The following SRPK2 variants were observed in gnomAD, a reference collection of about 807,000 sequenced individuals.
The protein encoded by SRPK2 is SFRS protein kinase 2.
Under a neutral mutation model 90.8 loss-of-function variants are expected in SRPK2, and 21 were observed. The observed-to-expected ratio is 0.23, with a 90% CI of 0.16 to 0.33. The LOEUF (loss-of-function observed/expected upper bound fraction) is 0.33. Ranked by LOEUF, SRPK2 falls within the 10% of genes least tolerant of loss-of-function variation. SRPK2 has a pLI of 1.00. For synonymous variants in SRPK2, 288 were observed against 311.1 expected (o/e 0.93, Z 0.78); for missense variants, 620 against 869.0 (o/e 0.71, Z 3.60).
At chr7:105,187,944 A>C (rs920458765) in intron 3 of SRPK2, among the ~76,000 whole-genome samples, 6 of 152,232 alleles carry the variant, frequency 3.9e-5, no homozygotes, top group Admixed American at 3.3e-4. Flanking sequence ...GCTGGTGGGA[A>C]TATACAGTGA....
Position 105,335,682 on chromosome 7 carries a change from A to G in SRPK2, c.71+52966T>C, listed in dbSNP as rs146179600. Among the ~76,000 whole-genome samples the G allele has an allele frequency of 5.2e-3, 771 of 148,418 alleles. 11 individuals carry two copies. The East Asian group carries it at 0.056, about 11-fold the overall frequency. On this transcript the variant is annotated intron_variant, in intron 2 of 15. Coordinates refer to ENST00000393651, the MANE Select transcript of SRPK2 (RefSeq NM_182692.3). ...AAAAAAAAAAAAAGCAGCCGGGCGC[A>G]GTGGCTCACATCTGTAATCCCAGCA...
intron 2 of SRPK2, among the ~76,000 whole-genome samples, chr7:105,271,010 A>T (rs1805761550): frequency 6.6e-6 from 1 of 152,080 alleles, no homozygotes; most frequent in Non-Finnish European, 1.5e-5. Context: ...CAACCTCAAC[A>T]TCCCCATTTT....
chr7:105,280,911 C>T (rs1807210557), intron 2 of SRPK2, among the ~76,000 whole-genome samples: 1 of 116,896 alleles, frequency 8.6e-6, no homozygotes, highest in Admixed American at 1.2e-4. Context: ...AGCGCCACTG[C>T]ACTCCAGCCT....
In SRPK2 at chr7:105,318,503, G is replaced by A. The variant is rs76000520; in HGVS notation, c.71+70145C>T. On this transcript the variant is annotated intron_variant, in intron 2 of 15. Transcript: ENST00000393651. ...TATAAACTGCATTAAAAGGCTCTTT[G>A]GGCTCCTAAATAATTTTTTAGAGTC... 2.4e-3 allele frequency among the ~76,000 whole-genome samples: 369 copies of A among 152,258 alleles called. 10 individuals carry two copies. The East Asian group carries it at 0.047, about 19-fold the overall frequency.
At chr7:105,367,715 CTT>C (rs1188924457) in intron 2 of SRPK2, among the ~76,000 whole-genome samples, 1 of 152,176 alleles carries the variant, frequency 6.6e-6, no homozygotes, top group Non-Finnish European at 1.5e-5. Flanking sequence ...TTGCACTTCT[CTT>C]GACTGCAAAT....
At position 105,396,882 on chromosome 7, in the gene SRPK2, AAAGG is replaced by A. The variant is rs141749151; in HGVS notation, n.153+2270_153+2273del. 3.4e-3 allele frequency among the ~76,000 whole-genome samples: 515 copies of A among 151,242 alleles called. 15 individuals are homozygous for A. The East Asian group carries it at 0.066, about 20-fold the overall frequency. On this transcript the variant is annotated intron_variant and non_coding_transcript_variant, in intron 1 of 3. Coordinates refer to the SRPK2 transcript ENST00000462282. ...GAAGGGAGGAAGGAAGGAAGGAAGG[AAAGG>A]AAGGAAGAGAATTACAAACCTAGTC...
chr7:105,248,189 T>C (rs1039306521), intron 2 of SRPK2, among the ~76,000 whole-genome samples: 1 of 151,990 alleles, frequency 6.6e-6, no homozygotes, highest in Non-Finnish European at 1.5e-5. Flanking sequence ...CCGGAAAAGG[T>C]TGGTACTACT....
At chr7:105,312,080 T>A (rs895903641) in intron 2 of SRPK2, among the ~76,000 whole-genome samples, 2 of 151,976 alleles carry the variant, frequency 1.3e-5, no homozygotes, top group African/African-American at 4.8e-5. Flanking sequence ...CAAAAATAAA[T>A]AAAAATTAAA....
At position 105,116,532 on chromosome 7, in the gene SRPK2, TAATG is replaced by T. The variant is rs1488751007; in HGVS notation, c.*1302_*1305del. 4.5e-4 allele frequency: 69 copies of T among 152,614 alleles called. 1 individual carries two copies. Among genetic ancestry groups the T allele is most frequent in the Admixed American group, 4.4e-3 (68 of 15,282 alleles). 9.5% of individuals were successfully genotyped at this position (152,614 alleles called of 1,614,324 possible). ...GGACAAAGTCAAAAACGAGGCACCTTAATGAATGTAAAATTTAAAATAAAAAGAC... is the reference window on the plus strand; with the variant it reads ...GGACAAAGTCAAAAACGAGGCACCTTAATGTAAAATTTAAAATAAAAAGAC... On this transcript the variant is annotated 3_prime_UTR_variant, in exon 16 of 16. Transcript: ENST00000393651.
At chr7:105,131,374 C>G (rs1197754807) in intron 13 of SRPK2, among the ~76,000 whole-genome samples, 1 of 152,204 alleles carries the variant, frequency 6.6e-6, no homozygotes, top group Non-Finnish European at 1.5e-5. Flanking sequence ...ACAGCACTCT[C>G]TAAATTCAAA....
Position 105,328,561 on chromosome 7 carries a change from CAAAA to C in SRPK2, c.71+60083_71+60086del, listed in dbSNP as rs1192103331. 1.9e-4 allele frequency among the ~76,000 whole-genome samples: 9 copies of C among 47,194 alleles called. 1 individual carries two copies. The highest frequency in any genetic ancestry group is 8.6e-4 in the Admixed American group (3 of 3,498). 31.0% of individuals were successfully genotyped at this position (47,194 alleles called of 152,430 possible). On this transcript the variant is annotated intron_variant, in intron 2 of 15. Transcript: ENST00000393651. ...TCAGTGACAGAGCCAGGCTCTGTCT[CAAAA>C]AAAAAAAAAAAAAAAAAGGCCAGGC...
chr7:105,238,319 A>G (rs1800382135), intron 2 of SRPK2, among the ~76,000 whole-genome samples: 1 of 152,230 alleles, frequency 6.6e-6, no homozygotes, highest in Non-Finnish European at 1.5e-5. Context: ...AAGTCTGGAC[A>G]GGAGTCAGCA....
At chr7:105,194,065 T>G (rs571485507) in intron 3 of SRPK2, among the ~76,000 whole-genome samples, 1 of 152,182 alleles carries the variant, frequency 6.6e-6, no homozygotes, top group Non-Finnish European at 1.5e-5. Context: ...TTTAAAAATG[T>G]CTTTTAATCA....
At chr7:105,182,069 A>C (rs988107803) in intron 3 of SRPK2, among the ~76,000 whole-genome samples, 53 of 151,524 alleles carry the variant, frequency 3.5e-4, no homozygotes, top group African/African-American at 1.2e-3. Context: ...ACTCTACTAA[A>C]AATACAAAAA....
At chr7:105,146,471 G>A (rs765759105) in intron 8 of SRPK2, 22 bp downstream of exon 8, 63 of 1,611,480 alleles carry the variant, frequency 3.9e-5, no homozygotes, top group Non-Finnish European at 4.5e-5. Flanking sequence ...ACACTGAAAT[G>A]AAGCTGGCTC....
intron 2 of SRPK2, among the ~76,000 whole-genome samples, chr7:105,350,186 A>C (rs895881275): frequency 7.0e-6 from 1 of 143,722 alleles, no homozygotes; most frequent in African/African-American, 2.6e-5. Flanking sequence ...ACTGGAGTAC[A>C]GTGGCTCAAT....
intron 2 of SRPK2, among the ~76,000 whole-genome samples, chr7:105,340,703 C>G (rs1440135582): frequency 6.6e-6 from 1 of 152,054 alleles, no homozygotes; most frequent in Non-Finnish European, 1.5e-5. Context: ...CTCAGCTTCC[C>G]AAAATGCTGT....
intron 11 of SRPK2, among the ~76,000 whole-genome samples, chr7:105,140,469 C>T (rs1036229838): frequency 2.1e-4 from 32 of 151,582 alleles, no homozygotes; most frequent in African/African-American, 1.5e-4. Flanking sequence ...GGCATGGTGA[C>T]GGGCGCCTGT....
chr7:105,299,279 G>A (rs190634843), intron 2 of SRPK2, among the ~76,000 whole-genome samples: 5 of 152,254 alleles, frequency 3.3e-5, no homozygotes, highest in East Asian at 1.9e-4. Flanking sequence ...TCTTTGCTAC[G>A]TCAACCACTT....
Sources: gnomAD v4.1 joint callset for allele counts (sites outside exome capture counted in the v4.1 genomes callset) on GRCh38, gnomAD v4.1.1 for gene constraint, MANE v1.5 for transcripts, NCBI Gene and HGNC (gene_info 2026-07-23, HGNC 2026-07-21) for gene names.